The following GABRA3 variants were observed in gnomAD, a reference collection of about 807,000 sequenced individuals.
The protein encoded by GABRA3 is gamma-aminobutyric acid receptor subunit alpha-3.
GABRA3 carries 10 observed loss-of-function variants against 30.1 expected under a neutral mutation model. That is an observed-to-expected ratio of 0.33 (90% CI 0.20 to 0.56). The LOEUF is 0.56. Among genes scored for constraint, GABRA3 ranks in the 20% least tolerant of loss-of-function variants. The pLI is 0.89. For synonymous variants in GABRA3, 151 were observed against 146.8 expected, an observed-to-expected ratio of 1.03 and a Z score of -0.21; for missense variants, 233 against 392.0, an observed-to-expected ratio of 0.59 and a Z score of 3.42.
At chrX:152,316,958 C>A (rs921937391) in intron 3 of GABRA3, among the ~76,000 whole-genome samples, 2 of 111,655 alleles carry the variant, frequency 1.8e-5, no homozygotes, top group Non-Finnish European at 3.8e-5. Context: ...AATTAAAAAA[C>A]CATGTATTCA....
chrX:152,373,918 G>A lies in GABRA3; in HGVS notation c.-26-9322C>T, dbSNP rs111281707. 5.1e-3 allele frequency among the ~76,000 whole-genome samples: 564 copies of A among 110,447 alleles called. 5 individuals are homozygous for A. Among genetic ancestry groups the A allele is most frequent in the African/African-American group, 0.018 (547 of 30,258 alleles). Reference sequence around the variant, plus strand: ...TTGGGATAGTTTGCTCAGAATGATGGTTTCCAGCTTTATCCATGTCACTAC... The same window carrying A: ...TTGGGATAGTTTGCTCAGAATGATGATTTCCAGCTTTATCCATGTCACTAC... On this transcript the variant is annotated intron_variant, in intron 1 of 9. Transcript: ENST00000370314.
chrX:152,182,594 C>T (rs1437180966), intron 9 of GABRA3, among the ~76,000 whole-genome samples: 1 of 53,425 alleles, frequency 1.9e-5, no homozygotes, highest in Non-Finnish European at 3.3e-5. Context: ...TGTATATACA[C>T]ACTATATATA....
At chrX:152,289,059 G>C (rs1347271372) in intron 3 of GABRA3, among the ~76,000 whole-genome samples, 1 of 108,907 alleles carries the variant, frequency 9.2e-6, no homozygotes, top group African/African-American at 3.3e-5. Flanking sequence ...CCCATTGGTA[G>C]GGAACTCATT....
At chrX:152,295,154 G>A (rs1258836397) in intron 3 of GABRA3, among the ~76,000 whole-genome samples, 2 of 112,473 alleles carry the variant, frequency 1.8e-5, no homozygotes, top group African/African-American at 6.5e-5. Context: ...ACGGGGGTCT[G>A]GGACCCACTT....
Position 152,168,101 on chromosome X carries a change from A to T in GABRA3, c.*127T>A. 2.0e-6 allele frequency: 1 copy of T among 509,054 alleles called. No individual in the cohort carries two copies. The highest frequency in any genetic ancestry group is 3.3e-6 in the Non-Finnish European group (1 of 302,122). 42.0% of individuals were successfully genotyped at this position (509,054 alleles called of 1,213,427 possible). A position where few individuals can be genotyped will look rare whatever the true frequency, so the allele number is the denominator to read the frequency against. On this transcript the variant is annotated 3_prime_UTR_variant, in exon 10 of 10. Transcript: ENST00000370314. ...CGTAGAGATTCATAAATATGAATTG[A>T]GGGTCACAGCTTGGTAGAGGGGTAA...
At chrX:152,181,826 A>AT (rs1463076690) in intron 9 of GABRA3, among the ~76,000 whole-genome samples, 1 of 109,795 alleles carries the variant, frequency 9.1e-6, no homozygotes, top group Non-Finnish European at 1.9e-5. Flanking sequence ...TATAATAATA[A>AT]AAAAAAAGAA....
chrX:152,418,794 T>A (rs1453985576), intron 1 of GABRA3, among the ~76,000 whole-genome samples: 1 of 111,875 alleles, frequency 8.9e-6, no homozygotes, highest in Non-Finnish European at 1.9e-5. Context: ...TTACTGGGTA[T>A]ATACCCAAAG....
chrX:152,182,644 C>G (rs1408826864), intron 9 of GABRA3, among the ~76,000 whole-genome samples: 5 of 50,874 alleles, frequency 9.8e-5, no homozygotes, highest in Non-Finnish European at 1.5e-4. Context: ...TATATATACA[C>G]TATATATACA....
At chrX:152,243,650 G>T (rs934703355) in intron 5 of GABRA3, among the ~76,000 whole-genome samples, 1 of 111,429 alleles carries the variant, frequency 9.0e-6, no homozygotes, top group African/African-American at 3.3e-5. Context: ...CAAAAGGAGT[G>T]ATGTATCTAG....
At position 152,343,447 on chromosome X, in the gene GABRA3, CAA is replaced by C. The variant is rs201238204; in HGVS notation, c.262+2132_262+2133del. Among the ~76,000 whole-genome samples, 304 of 89,002 alleles carry C rather than the reference CAA, an allele frequency of 3.4e-3. 2 individuals are homozygous for C. Among genetic ancestry groups the C allele is most frequent in the African/African-American group, 0.012 (292 of 24,802 alleles). The allele number at this position is 89,002 out of a possible 115,157, so 77.3% of individuals were successfully genotyped here. A position where few individuals can be genotyped will look rare whatever the true frequency, so the allele number is the denominator to read the frequency against. On this transcript the variant is annotated intron_variant, in intron 3 of 9. Transcript: ENST00000370314. The stretch of plus-strand genomic sequence containing the variant: ...ATATTAATTGTTCCAACCTCAAATC[CAA>C]AAAAAAAAAAAACAAAACGCAATTG...
intron 7 of GABRA3, among the ~76,000 whole-genome samples, chrX:152,199,141 C>A (rs192201912): frequency 9.0e-6 from 1 of 110,761 alleles, no homozygotes; most frequent in Non-Finnish European, 1.9e-5. Context: ...CCAAGGCGGG[C>A]AGATTACGAG....
intron 3 of GABRA3, among the ~76,000 whole-genome samples, chrX:152,340,382 G>A (rs1434772656): frequency 8.9e-6 from 1 of 112,084 alleles, no homozygotes; most frequent in Non-Finnish European, 1.9e-5. Context: ...ATCATTTGGT[G>A]AGAATTTTTA....
At chrX:152,368,528 T>G (rs1346826707) in intron 1 of GABRA3, among the ~76,000 whole-genome samples, 1 of 110,611 alleles carries the variant, frequency 9.0e-6, no homozygotes, top group Non-Finnish European at 1.9e-5. Context: ...ATTTTCTTTA[T>G]CCATTAATGC....
At chrX:152,328,220 G>T (rs184050991) in intron 3 of GABRA3, among the ~76,000 whole-genome samples, 3 of 110,704 alleles carry the variant, frequency 2.7e-5, no homozygotes, top group African/African-American at 9.8e-5. Context: ...GCCTACCAAC[G>T]AAAAAAAGTC....
At chrX:152,356,496 C>A (rs1273302189) in intron 2 of GABRA3, among the ~76,000 whole-genome samples, 1 of 111,774 alleles carries the variant, frequency 8.9e-6, no homozygotes, top group Non-Finnish European at 1.9e-5. Flanking sequence ...AAACTCTATA[C>A]TTTAAAATTA....
At position 152,447,329 on chromosome X, in the gene GABRA3, C is replaced by T. The variant is rs534291561; in HGVS notation, c.-27+3817G>A. Among the ~76,000 whole-genome samples the T allele has an allele frequency of 4.1e-4, 46 of 111,460 alleles. No homozygotes were observed. In the South Asian group the frequency reaches 0.017, roughly 40 times the overall value. On this transcript the variant is annotated intron_variant, in intron 1 of 9. Transcript: ENST00000370314. ...ACCAACAGCCTTATAATGGCCCACTCCAGCAATCCCTTCAAAATAAAATTG... is the reference window on the plus strand; with the variant it reads ...ACCAACAGCCTTATAATGGCCCACTTCAGCAATCCCTTCAAAATAAAATTG...
intron 8 of GABRA3, among the ~76,000 whole-genome samples, chrX:152,196,616 C>G (rs779759109): frequency 2.7e-5 from 3 of 111,001 alleles, no homozygotes; most frequent in African/African-American, 9.8e-5. Flanking sequence ...TAGAACTGTT[C>G]TTCTCAAGAT....
chrX:152,428,448 G>C (rs1055670393), intron 1 of GABRA3, among the ~76,000 whole-genome samples: 1 of 112,351 alleles, frequency 8.9e-6, no homozygotes, highest in African/African-American at 3.2e-5. Context: ...CTATAAACAG[G>C]AATGTGCAAT....
chrX:152,357,588 G>A (rs150069176), intron 2 of GABRA3, among the ~76,000 whole-genome samples: 57 of 111,490 alleles, frequency 5.1e-4, no homozygotes, highest in African/African-American at 1.7e-3. Flanking sequence ...TTACTCCCTT[G>A]ATAGTTTCTT....
Sources: allele counts gnomAD v4.1 joint callset (sites outside exome capture counted in the v4.1 genomes callset), GRCh38; gene constraint gnomAD v4.1.1; transcripts MANE v1.5; gene names NCBI Gene and HGNC (gene_info 2026-07-23, HGNC 2026-07-21).